Variants in LRRC41 observed in about 807,000 individuals in gnomAD.
LRRC41 encodes the protein leucine rich repeat containing 41.
Under a neutral mutation model 72.1 loss-of-function variants are expected in LRRC41, and 17 were observed. The observed-to-expected ratio is 0.24, with a 90% CI of 0.16 to 0.35. The LOEUF (loss-of-function observed/expected upper bound fraction) is 0.35. LRRC41 is among the 10% of genes least tolerant of loss of function. The probability of loss-of-function intolerance (pLI) is 1.00; values close to 1 mark genes in which losing one functional copy is unlikely to be tolerated. For synonymous variants in LRRC41, 427 were observed against 431.0 expected, an observed-to-expected ratio of 0.99 and a Z score of 0.11; for missense variants, 759 against 1,065.0, an observed-to-expected ratio of 0.71 and a Z score of 4.00.
rs13374933 is a variant in LRRC41, at chr1:46,287,092, C to T, written c.358-593G>A. Among the ~76,000 whole-genome samples the T allele has an allele frequency of 7.2e-3, 1,098 of 151,858 alleles. 17 individuals are homozygous for T. The highest frequency in any genetic ancestry group is 0.034 in the Middle Eastern group (10 of 292). ...TGCTAGGATTACAGGTGTGAGTCACCGCACCTAGCCCCTTATCCCAACTTC... is the reference window on the plus strand; with the variant it reads ...TGCTAGGATTACAGGTGTGAGTCACTGCACCTAGCCCCTTATCCCAACTTC... On this transcript the variant is annotated intron_variant, in intron 3 of 9. Coordinates refer to ENST00000617190, the MANE Select transcript of LRRC41 (RefSeq NM_006369.5).
intron 2 of LRRC41, 21 bp from the exon 3 acceptor site, chr1:46,297,654 C>CTTT (rs1212509370): frequency 1.3e-6 from 2 of 1,591,790 alleles, no homozygotes; most frequent in Non-Finnish European, 1.7e-6. Flanking sequence ...AAATATCACA[C>CTTT]TTGGCTGCTT....
chr1:46,289,913 A>G (rs556599367), intron 3 of LRRC41, among the ~76,000 whole-genome samples: 33 of 152,340 alleles, frequency 2.2e-4, no homozygotes, highest in African/African-American at 7.9e-4. Flanking sequence ...GGCATGATCA[A>G]TGAGGTGAAG....
At chr1:46,298,407 C>G (rs756304483) in intron 1 of LRRC41, 37 bp from the exon 2 acceptor site, 1 of 1,309,174 alleles carries the variant, frequency 7.6e-7, no homozygotes, top group African/African-American at 1.5e-5. Context: ...TTTTCCTCCC[C>G]TCCCCCTCCC....
rs1660897879 is a variant in LRRC41, at chr1:46,287,000, A to G, written c.358-501T>C. Among the ~76,000 whole-genome samples the G allele has an allele frequency of 6.6e-6, 1 of 151,604 alleles. No homozygotes were observed. The highest frequency in any genetic ancestry group is 1.5e-5 in the Non-Finnish European group (1 of 67,922). On this transcript the variant is annotated intron_variant, in intron 3 of 9. Transcript: ENST00000617190. The surrounding 1 kb of genome is among the most constrained non-coding windows in gnomAD (Gnocchi z 5.5). ...CACCTGGCTAATTTTTGTATGTTTC[A>G]TCATATTGACCAGGCTGGTCTTGAA...
intron 3 of LRRC41, among the ~76,000 whole-genome samples, chr1:46,291,491 T>C (rs556640400): frequency 2.0e-5 from 3 of 151,462 alleles, no homozygotes; most frequent in Admixed American, 2.0e-4. Context: ...CATGCCACTA[T>C]GCACAGCTAA....
At chr1:46,287,796 C>T (rs1187066476) in intron 3 of LRRC41, among the ~76,000 whole-genome samples, 1 of 152,194 alleles carries the variant, frequency 6.6e-6, no homozygotes, top group Non-Finnish European at 1.5e-5. Context: ...TATGTTGTCT[C>T]ATGGTGTTGA....
chr1:46,283,708 CTTTTTT>C (rs34412540), intron 4 of LRRC41, among the ~76,000 whole-genome samples: 1 of 143,394 alleles, frequency 7.0e-6, no homozygotes, highest in African/African-American at 2.5e-5. Flanking sequence ...GAGGAGAAAA[CTTTTTT>C]TTTTTTTTTG....
At chr1:46,291,331 A>T (rs1372206599) in intron 3 of LRRC41, among the ~76,000 whole-genome samples, 1 of 152,120 alleles carries the variant, frequency 6.6e-6, no homozygotes, top group Admixed American at 6.6e-5. Flanking sequence ...AGTAGAACTT[A>T]TAGCCAAATT....
In LRRC41 at chr1:46,285,718, C is replaced by A. The variant is rs1169042597; in HGVS notation, c.1139G>T (p.Ser380Ile). ...STSSYKRAPASSAPQPKPLKR... is the reference protein window; with the variant it reads ...STSSYKRAPAISAPQPKPLKR... ...TAGGGGCTTAGGCTGTGGGGCTGAGCTAGCTGGTGCCCGTTTGTATGAGGA... is the reference window on the plus strand; with the variant it reads ...TAGGGGCTTAGGCTGTGGGGCTGAGATAGCTGGTGCCCGTTTGTATGAGGA... Residue 380 changes from serine (S) to isoleucine (I), a missense_variant, in exon 4 of 10, where the codon AGC (serine) becomes ATC (isoleucine). Physicochemically the swap from Ser to Ile is moderately radical, Grantham distance 142. Transcript: ENST00000617190. This position sits in a 1 kb window ranked among gnomAD's most constrained non-coding sequence, Gnocchi z 5.3. 6.2e-7 allele frequency: 1 copy of A among 1,610,058 alleles called. No homozygotes were observed. Among genetic ancestry groups the A allele is most frequent in the Non-Finnish European group, 8.5e-7 (1 of 1,178,112 alleles).
At chr1:46,291,216 G>A (rs1661009173) in intron 3 of LRRC41, among the ~76,000 whole-genome samples, 1 of 152,132 alleles carries the variant, frequency 6.6e-6, no homozygotes, top group African/African-American at 2.4e-5. Context: ...GAGCCACAGT[G>A]CCTGACCCTG....
chr1:46,294,219 C>T (rs922101555), intron 3 of LRRC41, among the ~76,000 whole-genome samples: 2 of 151,112 alleles, frequency 1.3e-5, no homozygotes, highest in African/African-American at 4.9e-5. Flanking sequence ...GGCTCCCTCC[C>T]ACCTCAGCCT....
At position 46,278,044 on chromosome 1, in the gene LRRC41, T is replaced by G. The variant is rs1263690658; in HGVS notation, c.*821A>C. On this transcript the variant is annotated 3_prime_UTR_variant, in exon 10 of 10. Transcript: ENST00000617190. ...CACAGTAGGGAGATGGGATCTGTAG[T>G]GACTTCAGCTGTGCCTTCTGTCCCT... 4 of 1,614,018 alleles carry G rather than the reference T, an allele frequency of 2.5e-6. No homozygotes were observed. In the Admixed American group the frequency reaches 6.7e-5, roughly 27 times the overall value.
Position 46,277,734 on chromosome 1 carries a change from C to G in LRRC41, c.*1131G>C, listed in dbSNP as rs1197915680. On this transcript the variant is annotated 3_prime_UTR_variant, in exon 10 of 10. Coordinates refer to ENST00000617190, the MANE Select transcript of LRRC41 (RefSeq NM_006369.5). ...TCCTCTTCTCGGGTAGCTGTAGTTT[C>G]AACCCTTTGGTTTTCCTGCTCCCTT... 1.4e-6 allele frequency: 2 copies of G among 1,475,440 alleles called. No homozygotes were observed. Among genetic ancestry groups the G allele is most frequent in the African/African-American group, 1.4e-5 (1 of 71,944 alleles). The allele number at this position is 1,475,440 out of a possible 1,614,324, so 91.4% of individuals were successfully genotyped here.
At position 46,278,168 on chromosome 1, in the gene LRRC41, T is replaced by G. The variant is rs1397177158; in HGVS notation, c.*697A>C. ...ACCTGGCAGGGTGGAACCACTGCAC[T>G]GATAAGTGGGGGCTCCGGGATGAGG... On this transcript the variant is annotated 3_prime_UTR_variant, in exon 10 of 10. Coordinates refer to ENST00000617190, the MANE Select transcript of LRRC41 (RefSeq NM_006369.5). 6.2e-7 allele frequency: 1 copy of G among 1,613,840 alleles called. No individual in the cohort carries two copies.
chr1:46,281,950 A>T (rs1660784459), intron 4 of LRRC41, among the ~76,000 whole-genome samples: 1 of 152,098 alleles, frequency 6.6e-6, no homozygotes, highest in South Asian at 2.1e-4. Flanking sequence ...TGGGTGGCAC[A>T]TGCCTGTAGT....
Position 46,303,227 on chromosome 1 carries a change from T to C in LRRC41, c.96A>G (p.Pro32=). ...TMEATSREAA[P]AKSSASGPNA... Reference sequence around the variant, plus strand: ...TGGGGCCCGAGGCCGAGCTCTTCGCTGGCGCCGCCTCCCGGGACGTGGCCT... The same window carrying C: ...TGGGGCCCGAGGCCGAGCTCTTCGCCGGCGCCGCCTCCCGGGACGTGGCCT... The change falls in exon 1 of 10, where the codon CCA becomes CCG. Residue 32 remains proline (P), a synonymous_variant. Transcript: ENST00000617190. 3 of 1,559,934 alleles carry C rather than the reference T, an allele frequency of 1.9e-6. 1 individual carries two copies. In the South Asian group the frequency reaches 3.5e-5, roughly 18 times the overall value.
intron 3 of LRRC41, among the ~76,000 whole-genome samples, chr1:46,295,830 G>A (rs1260498259): frequency 6.6e-6 from 1 of 152,178 alleles, no homozygotes; most frequent in Non-Finnish European, 1.5e-5. Flanking sequence ...AAGGTCTGTT[G>A]TCCTCATTCT....
At chr1:46,296,213 G>A (rs776003220) in intron 3 of LRRC41, among the ~76,000 whole-genome samples, 2 of 152,112 alleles carry the variant, frequency 1.3e-5, no homozygotes, top group Non-Finnish European at 2.9e-5. Context: ...TCAGGAGTTC[G>A]AGACCAGCCT....
intron 3 of LRRC41, among the ~76,000 whole-genome samples, chr1:46,289,253 G>A (rs747937570): frequency 1.3e-5 from 2 of 152,154 alleles, no homozygotes; most frequent in African/African-American, 4.8e-5. Flanking sequence ...ACCTGAATCT[G>A]GGTCTGCCAT....
Sources: gnomAD v4.1 joint callset for allele counts (sites outside exome capture counted in the v4.1 genomes callset) on GRCh38, gnomAD v4.1.1 for gene constraint, Gnocchi (gnomAD v3.1) non-coding constraint, MANE v1.5 for transcripts, NCBI Gene and HGNC (gene_info 2026-07-23, HGNC 2026-07-21) for gene names.